Variants in FAM118B observed in about 807,000 individuals in gnomAD.
FAM118B encodes the protein SIR2 antiphage like 1, also known as protein FAM118B.
FAM118B carries 24 observed loss-of-function variants against 38.5 expected under a neutral mutation model. That is an observed-to-expected ratio of 0.62 (90% CI 0.45 to 0.88). The LOEUF is 0.88. FAM118B is among the 40% of genes least tolerant of loss of function. FAM118B has a pLI of 0.00. For synonymous variants in FAM118B, 138 were observed against 156.3 expected (o/e 0.88, Z 0.87); for missense variants, 334 against 420.0 (o/e 0.80, Z 1.79).
chr11:126,254,439 TGGGG>T lies in FAM118B; in HGVS notation c.696+7_696+10del. 1 of 1,613,942 alleles carries T rather than the reference TGGGG, an allele frequency of 6.2e-7. No individual in the cohort carries two copies. Among genetic ancestry groups the T allele is most frequent in the Non-Finnish European group, 8.5e-7 (1 of 1,179,906 alleles). On this transcript the variant is annotated splice_region_variant and intron_variant, in intron 6 of 8. Transcript: ENST00000533050. ...TCAGGAACACTGAAGTCATGGTGAGTGGGGCTGATCTTGCTGGTCTCAGGAACTC... is the reference window on the plus strand; with the variant it reads ...TCAGGAACACTGAAGTCATGGTGAGTCTGATCTTGCTGGTCTCAGGAACTC...
chr11:126,229,567 C>T (rs1591508490), intron 2 of FAM118B, among the ~76,000 whole-genome samples: 1 of 152,072 alleles, frequency 6.6e-6, no homozygotes, highest in African/African-American at 2.4e-5. Flanking sequence ...CTCAGCCTCC[C>T]GAGTAGCTGG....
At chr11:126,230,475 T>C (rs1190758670) in intron 2 of FAM118B, among the ~76,000 whole-genome samples, 6 of 152,250 alleles carry the variant, frequency 3.9e-5, no homozygotes, top group Admixed American at 3.9e-4. Context: ...ATATTTATGC[T>C]AGAGAAATAA....
At chr11:126,251,308 G>A (rs1017311373) in intron 5 of FAM118B, among the ~76,000 whole-genome samples, 11 of 152,116 alleles carry the variant, frequency 7.2e-5, no homozygotes, top group Non-Finnish European at 1.3e-4. Flanking sequence ...TGTGATTTTT[G>A]TAATGTTTTT....
intron 2 of FAM118B, among the ~76,000 whole-genome samples, chr11:126,233,270 G>T (rs1185880406): frequency 6.6e-6 from 1 of 152,144 alleles, no homozygotes; most frequent in Non-Finnish European, 1.5e-5. Context: ...GAGGTCAGGA[G>T]TTCGAGACCA....
intron 2 of FAM118B, among the ~76,000 whole-genome samples, chr11:126,233,041 T>C (rs1341076684): frequency 6.6e-6 from 1 of 152,234 alleles, no homozygotes; most frequent in Non-Finnish European, 1.5e-5. Context: ...TGTAGAAAAA[T>C]TAAGTTTGCA....
upstream of FAM118B, chr11:126,211,739 G>A (rs903110022): frequency 1.5e-6 from 2 of 1,357,436 alleles, no homozygotes; most frequent in South Asian, 2.7e-5. Flanking sequence ...GCGGGGTGGG[G>A]CCTGGGCGAG....
intron 4 of FAM118B, among the ~76,000 whole-genome samples, chr11:126,242,556 A>G (rs1160281532): frequency 6.6e-6 from 1 of 152,276 alleles, no homozygotes; most frequent in African/African-American, 2.4e-5. Flanking sequence ...TAATAATTCA[A>G]TTTTAAAATA....
chr11:126,258,244 C>T (rs1316941849), intron 7 of FAM118B, among the ~76,000 whole-genome samples: 1 of 151,860 alleles, frequency 6.6e-6, no homozygotes, highest in African/African-American at 2.4e-5. Context: ...AAAAATTAGC[C>T]AGGTGTGGTG....
chr11:126,213,972 G>A (rs1009392999), intron 1 of FAM118B, among the ~76,000 whole-genome samples: 1 of 152,194 alleles, frequency 6.6e-6, no homozygotes, highest in African/African-American at 2.4e-5. Context: ...TAGCCAGTAT[G>A]GGTACATAAG....
At chr11:126,236,259 A>AGTAAG (rs1421366922) in intron 3 of FAM118B, among the ~76,000 whole-genome samples, 19 of 152,200 alleles carry the variant, frequency 1.2e-4, no homozygotes, top group Non-Finnish European at 2.2e-4. Flanking sequence ...TAGCCTCCTA[A>AGTAAG]GTAAGGACCC....
At chr11:126,236,260 G>C (rs1193485003) in intron 3 of FAM118B, among the ~76,000 whole-genome samples, 1 of 152,152 alleles carries the variant, frequency 6.6e-6, no homozygotes, top group East Asian at 1.9e-4. Context: ...AGCCTCCTAA[G>C]TAAGGACCCA....
At chr11:126,212,624 C>T (rs1356625908) in intron 1 of FAM118B, among the ~76,000 whole-genome samples, 1 of 152,184 alleles carries the variant, frequency 6.6e-6, no homozygotes, top group Non-Finnish European at 1.5e-5. Flanking sequence ...GTCCTGAAAA[C>T]TAATGGATCT....
At position 126,252,657 on chromosome 11, in the gene FAM118B, C is replaced by G. The variant is rs1016308684; in HGVS notation, c.568-1648C>G. 6.6e-6 allele frequency among the ~76,000 whole-genome samples: 1 copy of G among 152,004 alleles called. No homozygotes were observed. Among genetic ancestry groups the G allele is most frequent in the Admixed American group, 6.6e-5 (1 of 15,254 alleles). On this transcript the variant is annotated intron_variant, in intron 5 of 8. Transcript: ENST00000533050. The surrounding 1 kb of genome is among the most constrained non-coding windows in gnomAD (Gnocchi z 4.7). ...ACTTGGGAGGCTGAAGCAGGACGAT[C>G]GATTGAGCTGAGGCAGTCGAGGCTA...
At chr11:126,217,050 A>G (rs1002516394) in intron 1 of FAM118B, among the ~76,000 whole-genome samples, 4 of 152,230 alleles carry the variant, frequency 2.6e-5, no homozygotes, top group African/African-American at 4.8e-5. Context: ...CAGCTAACCT[A>G]GCAGGCACAT....
chr11:126,251,796 C>A (rs1950508100), intron 5 of FAM118B, among the ~76,000 whole-genome samples: 2 of 150,460 alleles, frequency 1.3e-5, no homozygotes, highest in Non-Finnish European at 2.9e-5. Context: ...GATTCTCCTG[C>A]CTCACCCTCC....
rs772536001 is a variant in FAM118B, at chr11:126,234,976, G to A, written c.-7-19G>A. The stretch of plus-strand genomic sequence containing the variant: ...CTTTACAGATCTAATTGTGGTTCAT[G>A]GTGTTTAATCTATTTTAGAAACTGG... On this transcript the variant is annotated intron_variant, in intron 2 of 8. Transcript: ENST00000533050. The A allele has an allele frequency of 6.4e-7, 1 of 1,567,630 alleles. No individual in the cohort carries two copies. The highest frequency in any genetic ancestry group is 8.8e-7 in the Non-Finnish European group (1 of 1,138,660).
intron 1 of FAM118B, among the ~76,000 whole-genome samples, chr11:126,228,743 T>C (rs966542398): frequency 6.6e-6 from 1 of 151,968 alleles, no homozygotes; most frequent in Non-Finnish European, 1.5e-5. Flanking sequence ...GTATTTTTAG[T>C]AGAGATGGGG....
chr11:126,248,254 C>T (rs1485833080), intron 4 of FAM118B, among the ~76,000 whole-genome samples: 6 of 149,394 alleles, frequency 4.0e-5, no homozygotes, highest in Non-Finnish European at 7.4e-5. Flanking sequence ...CATGTGACTG[C>T]TAGATCATAG....
Position 126,250,819 on chromosome 11 carries a change from T to C in FAM118B, c.567+86T>C. 2 of 1,079,116 alleles carry C rather than the reference T, an allele frequency of 1.9e-6. No individual in the cohort carries two copies. The highest frequency in any genetic ancestry group is 2.6e-6 in the Non-Finnish European group (2 of 755,996). 66.8% of individuals were successfully genotyped at this position (1,079,116 alleles called of 1,614,324 possible). A position where few individuals can be genotyped will look rare whatever the true frequency, so the allele number is the denominator to read the frequency against. On this transcript the variant is annotated intron_variant, in intron 5 of 8. Transcript: ENST00000533050. The surrounding 1 kb of genome is among the most constrained non-coding windows in gnomAD (Gnocchi z 5.1). Reference sequence around the variant, plus strand: ...CTCTTTTCTAGTTGGTATATTGGTATTTATGTAGAGCTAGAAAGGAAAAAT... The same window carrying C: ...CTCTTTTCTAGTTGGTATATTGGTACTTATGTAGAGCTAGAAAGGAAAAAT...
Sources: allele counts gnomAD v4.1 joint callset (sites outside exome capture counted in the v4.1 genomes callset), GRCh38; gene constraint gnomAD v4.1.1; non-coding constraint Gnocchi (gnomAD v3.1); transcripts MANE v1.5; gene names NCBI Gene and HGNC (gene_info 2026-07-23, HGNC 2026-07-21).